The following SEC23IP variants were observed in gnomAD, a reference collection of about 807,000 sequenced individuals.
The protein encoded by SEC23IP is SEC23-interacting protein.
Under a neutral mutation model 113.4 loss-of-function variants are expected in SEC23IP, and 70 were observed. That is an observed-to-expected ratio of 0.62 (90% CI 0.51 to 0.75). SEC23IP has a LOEUF of 0.75. Among genes scored for constraint, SEC23IP ranks in the 30% least tolerant of loss-of-function variants. SEC23IP has a pLI of 0.00. For missense variants in SEC23IP, 1,160 were observed against 1,204.9 expected (o/e 0.96, Z 0.55); for synonymous variants, 398 against 421.0 (o/e 0.95, Z 0.67).
At chr10:119,893,730 G>T (rs1013365472) in intron 1 of SEC23IP, among the ~76,000 whole-genome samples, 1 of 151,988 alleles carries the variant, frequency 6.6e-6, no homozygotes, top group African/African-American at 2.4e-5. Flanking sequence ...ATGTTGGCCA[G>T]GATGGTCTCA....
At chr10:119,919,924 A>G (rs1400520817) in intron 11 of SEC23IP, among the ~76,000 whole-genome samples, 1 of 152,244 alleles carries the variant, frequency 6.6e-6, no homozygotes, top group Non-Finnish European at 1.5e-5. Flanking sequence ...AATCAGTTAC[A>G]GAAAGACCAT....
intron 18 of SEC23IP, among the ~76,000 whole-genome samples, chr10:119,937,637 C>CA (rs1307239642): frequency 6.7e-6 from 1 of 150,164 alleles, no homozygotes; most frequent in Non-Finnish European, 1.5e-5. Flanking sequence ...AAAAAAAAAA[C>CA]AAAAAAACAA....
In SEC23IP at chr10:119,898,831, A is replaced by C; in HGVS notation, c.568A>C (p.Ser190Arg). 1 of 1,613,868 alleles carries C rather than the reference A, an allele frequency of 6.2e-7. No individual in the cohort carries two copies. The highest frequency in any genetic ancestry group is 8.5e-7 in the Non-Finnish European group (1 of 1,180,012). ...YNPYRHTPGS[S>R]RANPYIAPPQ... is the part of the protein sequence containing the mutation. ...TCCATATCGCCATACCCCTGGCAGC[A>C]GCAGGGCTAATCCTTACATTGCACC... Residue 190 changes from serine to arginine, a missense_variant, in exon 2 of 19, where the codon AGC (serine) becomes CGC (arginine). Coordinates refer to ENST00000369075, the MANE Select transcript of SEC23IP (RefSeq NM_007190.4).
chr10:119,913,557 C>A (rs1274923951), intron 6 of SEC23IP, among the ~76,000 whole-genome samples: 2 of 78 alleles, frequency 0.026, no homozygotes, highest in Non-Finnish European at 0.059. Context: ...GTGGCGTGAT[C>A]TGGGGCTCAC....
intron 1 of SEC23IP, among the ~76,000 whole-genome samples, chr10:119,893,576 G>A (rs555394649): frequency 6.5e-5 from 9 of 138,556 alleles, no homozygotes; most frequent in Non-Finnish European, 9.0e-5. Flanking sequence ...CTGGAATGCA[G>A]TGGCGCGATC....
intron 13 of SEC23IP, among the ~76,000 whole-genome samples, chr10:119,926,722 G>A (rs1855437470): frequency 6.6e-6 from 1 of 152,146 alleles, no homozygotes; most frequent in South Asian, 2.1e-4. Context: ...CTTTTAGACA[G>A]TGTTACTGTC....
chr10:119,902,814 C>T lies in SEC23IP; in HGVS notation c.712C>T (p.Gln238Ter). 7.4e-6 allele frequency: 12 copies of T among 1,614,082 alleles called. No individual in the cohort carries two copies. The highest frequency in any genetic ancestry group is 1.1e-5 in the South Asian group (1 of 91,068). The stretch of plus-strand genomic sequence containing the variant: ...TCCCCTCCAGGTTCCTTCTTCAGTG[C>T]AGTCACCGGCACAGCAGCAGGTACC... ...GSLPPVPSSV[Q>*]SPAQQQVPAR... is the part of the protein sequence containing the mutation. Residue 238 changes from glutamine (Q) to a stop codon, truncating the protein, a stop_gained, in exon 3 of 19, where the codon CAG becomes TAG. Coordinates refer to ENST00000369075, the MANE Select transcript of SEC23IP (RefSeq NM_007190.4). LOFTEE classifies it high-confidence loss of function.
At chr10:119,902,250 G>A (rs1457449568) in intron 2 of SEC23IP, among the ~76,000 whole-genome samples, 2 of 152,116 alleles carry the variant, frequency 1.3e-5, no homozygotes, top group Non-Finnish European at 2.9e-5. Context: ...CAGCTACTTG[G>A]GAGGCTGAGG....
At chr10:119,895,149 T>C (rs1854232426) in intron 1 of SEC23IP, among the ~76,000 whole-genome samples, 1 of 152,128 alleles carries the variant, frequency 6.6e-6, no homozygotes, top group Admixed American at 6.5e-5. Flanking sequence ...TTTGTGGGGC[T>C]GAGGCGGGTG....
At chr10:119,904,418 T>G in intron 4 of SEC23IP, 141 bp downstream of exon 4, 1 of 697,106 alleles carries the variant, frequency 1.4e-6, no homozygotes. Context: ...AGATTACTTT[T>G]TAAGTGGTGT....
At position 119,914,716 on chromosome 10, in the gene SEC23IP, A is replaced by T. The variant is rs200614786; in HGVS notation, c.1313-14A>T. ...TCCCATCTTTTATGTAGGTTTAAAA[A>T]TTTTTTTTGATAGGGGAGATGCCTC... On this transcript the variant is annotated splice_polypyrimidine_tract_variant and intron_variant, in intron 6 of 18. Coordinates refer to ENST00000369075, the MANE Select transcript of SEC23IP (RefSeq NM_007190.4). The T allele has an allele frequency of 3.4e-5, 54 of 1,608,434 alleles. No individual in the cohort carries two copies. The highest frequency in any genetic ancestry group is 6.7e-5 in the Admixed American group (4 of 59,768).
At chr10:119,940,087 C>T (rs1855916572) in intron 18 of SEC23IP, among the ~76,000 whole-genome samples, 1 of 152,018 alleles carries the variant, frequency 6.6e-6, no homozygotes, top group African/African-American at 2.4e-5. Context: ...GTTTCCTGGG[C>T]ATTCTTGTCC....
chr10:119,939,511 C>T (rs1855895967), intron 18 of SEC23IP, among the ~76,000 whole-genome samples: 2 of 151,410 alleles, frequency 1.3e-5, no homozygotes, highest in Non-Finnish European at 2.9e-5. Flanking sequence ...CTTGTCTCTA[C>T]TAAAAATACA....
At chr10:119,936,855 G>T (rs1450441885) in intron 18 of SEC23IP, among the ~76,000 whole-genome samples, 2 of 150,400 alleles carry the variant, frequency 1.3e-5, no homozygotes, top group Non-Finnish European at 3.0e-5. Context: ...GGAGGTACGG[G>T]GTAGGGTCCT....
Position 119,902,935 on chromosome 10 carries a change from A to T in SEC23IP, c.833A>T (p.Glu278Val). Reference protein sequence around the residue: ...PVQPHWFYCKEVEYKQLWMPF... With the variant: ...PVQPHWFYCKVVEYKQLWMPF... ...CAGCCCCACTGGTTTTACTGCAAGGAGGTAGAATACAAACAACTGTGGATG... is the reference window on the plus strand; with the variant it reads ...CAGCCCCACTGGTTTTACTGCAAGGTGGTAGAATACAAACAACTGTGGATG... Residue 278 changes from glutamate (E) to valine (V), a missense_variant, in exon 3 of 19, where the codon GAG becomes GTG. By Grantham distance (121) the Glu-to-Val change is moderately radical (BLOSUM62 -2). Transcript: ENST00000369075. 6.2e-7 allele frequency: 1 copy of T among 1,614,174 alleles called. No individual in the cohort carries two copies. The highest frequency in any genetic ancestry group is 8.5e-7 in the Non-Finnish European group (1 of 1,180,016).
At chr10:119,894,426 G>A (rs1854202124) in intron 1 of SEC23IP, among the ~76,000 whole-genome samples, 1 of 152,218 alleles carries the variant, frequency 6.6e-6, no homozygotes, top group African/African-American at 2.4e-5. Context: ...CTTGATGCTT[G>A]TCACTACCTG....
At chr10:119,930,541 G>A (rs1321321032) in intron 15 of SEC23IP, 110 bp downstream of exon 15, 3 of 587,434 alleles carry the variant, frequency 5.1e-6, no homozygotes, top group African/African-American at 3.8e-5. Flanking sequence ...TTATTTAAGT[G>A]CCTACTATGT....
chr10:119,936,254 A>T (rs577623632), intron 18 of SEC23IP, among the ~76,000 whole-genome samples: 76 of 152,232 alleles, frequency 5.0e-4, no homozygotes, highest in African/African-American at 1.8e-3. Context: ...TTCTGAGAAT[A>T]TTGCATATTT....
chr10:119,918,355 C>T lies in SEC23IP; in HGVS notation c.1754-38C>T, dbSNP rs189104948. On this transcript the variant is annotated intron_variant, in intron 9 of 18. Coordinates refer to ENST00000369075, the MANE Select transcript of SEC23IP (RefSeq NM_007190.4). ...AAAAAGAATTAGTGTTATAAAAGTA[C>T]CTACTACATTATAAGGCAAAATGTT... 9.7e-5 allele frequency: 117 copies of T among 1,205,828 alleles called. 1 individual carries two copies. The Admixed American group carries it at 2.0e-3, about 21-fold the overall frequency. 74.7% of individuals were successfully genotyped at this position (1,205,828 alleles called of 1,614,324 possible).
Sources: gnomAD v4.1 joint callset for allele counts (sites outside exome capture counted in the v4.1 genomes callset) on GRCh38, gnomAD v4.1.1 for gene constraint, MANE v1.5 for transcripts, NCBI Gene and HGNC (gene_info 2026-07-23, HGNC 2026-07-21) for gene names.